The following PITPNC1 variants were observed in gnomAD, a reference collection of about 807,000 sequenced individuals.
PITPNC1 encodes the protein cytoplasmic phosphatidylinositol transfer protein 1.
A neutral mutation model predicts 44.7 loss-of-function variants in PITPNC1; 18 were observed. The ratio of observed to expected loss-of-function variants is 0.40; its 90% CI spans 0.28 to 0.60. The LOEUF is 0.60. PITPNC1 is among the 20% of genes least tolerant of loss of function. The pLI is 0.39. For missense variants in PITPNC1, 290 were observed against 418.4 expected, an observed-to-expected ratio of 0.69 and a Z score of 2.68; for synonymous variants, 141 against 149.6, an observed-to-expected ratio of 0.94 and a Z score of 0.42.
rs191217746 is a variant in PITPNC1 at position 67,529,815 on chromosome 17, G to A, written c.49-2987G>A. 3.9e-5 allele frequency among the ~76,000 whole-genome samples: 6 copies of A among 152,272 alleles called. No individual in the cohort carries two copies. In the East Asian group the frequency reaches 1.2e-3, roughly 30 times the overall value. ...TATAAAAATTAGTCGGGTCGTAGCG[G>A]CGTGCGCCTGTAATCCCAGCTGCTT... is the stretch of plus-strand genomic sequence containing the variant. On this transcript the variant is annotated intron_variant, in intron 1 of 8. Transcript: ENST00000581322.
intron 2 of PITPNC1, 139 bp from the exon 3 acceptor site, chr17:67,552,118 G>C (rs910544366): frequency 1.6e-5 from 10 of 633,140 alleles, no homozygotes; most frequent in African/African-American, 9.1e-5. Flanking sequence ...AGACCGAAGA[G>C]ATGGGGAAAG....
chr17:67,411,292 C>T (rs1287626077), intron 1 of PITPNC1, among the ~76,000 whole-genome samples: 2 of 152,094 alleles, frequency 1.3e-5, no homozygotes, highest in African/African-American at 4.8e-5. Flanking sequence ...GCCAGTAGTG[C>T]TCAGAACCTT....
intron 1 of PITPNC1, among the ~76,000 whole-genome samples, chr17:67,507,825 C>A (rs1377827769): frequency 6.6e-6 from 1 of 150,910 alleles, no homozygotes; most frequent in African/African-American, 2.4e-5. Flanking sequence ...CTGGGTTTTT[C>A]TTCCTTCCCC....
rs1384906197 is a variant in PITPNC1 at position 67,428,635 on chromosome 17, C to A, written c.48+50433C>A. Among the ~76,000 whole-genome samples the A allele has an allele frequency of 4.6e-5, 7 of 151,822 alleles. No homozygotes were observed. The East Asian group carries it at 1.4e-3, about 29-fold the overall frequency. On this transcript the variant is annotated intron_variant, in intron 1 of 8. Coordinates refer to ENST00000581322, the MANE Select transcript of PITPNC1 (RefSeq NM_012417.4). ...ATTATAGATGATTTTAAACATTCTT[C>A]TTGATAATTTTCCTGTGTTTTACAA...
intron 5 of PITPNC1, among the ~76,000 whole-genome samples, chr17:67,631,446 G>A (rs866065119): frequency 2.8e-5 from 4 of 140,594 alleles, no homozygotes; most frequent in East Asian, 4.0e-4. Flanking sequence ...TGGCTAACAC[G>A]GTGAAACCCC....
chr17:67,444,109 G>T (rs1444029644), intron 1 of PITPNC1, among the ~76,000 whole-genome samples: 1 of 151,988 alleles, frequency 6.6e-6, no homozygotes, highest in Non-Finnish European at 1.5e-5. Context: ...GAACAATGTG[G>T]GTTCATCAGG....
chr17:67,582,860 A>G (rs1248869322), intron 5 of PITPNC1, among the ~76,000 whole-genome samples: 4 of 152,194 alleles, frequency 2.6e-5, no homozygotes, highest in African/African-American at 9.6e-5. Context: ...CGTGCTTAGC[A>G]CTGCCTGGTT....
intron 5 of PITPNC1, among the ~76,000 whole-genome samples, chr17:67,589,085 G>T (rs2041357601): frequency 6.6e-6 from 1 of 152,152 alleles, no homozygotes; most frequent in African/African-American, 2.4e-5. Context: ...TCTGTGAAGT[G>T]GAAAGTCAAT....
At chr17:67,501,506 G>T (rs1198068654) in intron 1 of PITPNC1, among the ~76,000 whole-genome samples, 2 of 151,918 alleles carry the variant, frequency 1.3e-5, no homozygotes, top group Admixed American at 6.6e-5. Flanking sequence ...GTTACCCTTT[G>T]GAAGTTACCC....
At chr17:67,486,137 A>G (rs748161702) in intron 1 of PITPNC1, among the ~76,000 whole-genome samples, 15 of 152,176 alleles carry the variant, frequency 9.9e-5, no homozygotes, top group Non-Finnish European at 1.6e-4. Flanking sequence ...TTTTCCTGAC[A>G]TGTACTCAGA....
intron 1 of PITPNC1, among the ~76,000 whole-genome samples, chr17:67,519,918 G>T (rs570839691): frequency 9.8e-5 from 15 of 152,324 alleles, no homozygotes; most frequent in African/African-American, 3.6e-4. Flanking sequence ...CTGAGATCTT[G>T]TTTGTCTAGG....
chr17:67,645,962 TA>T (rs1226899159), intron 6 of PITPNC1, among the ~76,000 whole-genome samples: 1 of 152,128 alleles, frequency 6.6e-6, no homozygotes, highest in Non-Finnish European at 1.5e-5. Context: ...CTGTCTCTAC[TA>T]AAAATACAAA....
chr17:67,507,685 A>T (rs2040125326), intron 1 of PITPNC1, among the ~76,000 whole-genome samples: 1 of 21,772 alleles, frequency 4.6e-5, no homozygotes, highest in Admixed American at 5.5e-4. Flanking sequence ...CTTGGTCTCA[A>T]AAAAAAAAAA....
intron 1 of PITPNC1, among the ~76,000 whole-genome samples, chr17:67,443,607 G>C (rs1484143262): frequency 5.4e-5 from 8 of 148,662 alleles, no homozygotes; most frequent in African/African-American, 2.0e-4. Context: ...AAAGCACAGA[G>C]GACAATAGGC....
intron 8 of PITPNC1, among the ~76,000 whole-genome samples, chr17:67,684,202 C>G (rs541259382): frequency 6.6e-6 from 1 of 150,456 alleles, no homozygotes; most frequent in African/African-American, 2.5e-5. Flanking sequence ...GCCTCCGTCT[C>G]CCAGGTTCAA....
At chr17:67,490,171 C>T (rs1255464387) in intron 1 of PITPNC1, among the ~76,000 whole-genome samples, 4 of 142,314 alleles carry the variant, frequency 2.8e-5, no homozygotes, top group South Asian at 2.2e-4. Flanking sequence ...TTTTAATTAA[C>T]GAGGATGCAT....
rs1263060009 is a variant in PITPNC1, at chr17:67,583,891, GTGTGTT to G, written c.366+5640_366+5645del. On this transcript the variant is annotated intron_variant, in intron 5 of 8. Coordinates refer to ENST00000581322, the MANE Select transcript of PITPNC1 (RefSeq NM_012417.4). ...TGTGTGTGTGTGTGTGTGTGTGTGT[GTGTGTT>G]TGTGTGTGTGTGTGTTTGTGTTTAG... Among the ~76,000 whole-genome samples the G allele has an allele frequency of 8.5e-3, 1,097 of 128,396 alleles. 15 individuals carry two copies. Among genetic ancestry groups the G allele is most frequent in the African/African-American group, 0.029 (1,047 of 35,598 alleles). The allele number at this position is 128,396 out of a possible 152,430, so 84.2% of individuals were successfully genotyped here.
chr17:67,407,435 A>G (rs1567977882), intron 1 of PITPNC1, among the ~76,000 whole-genome samples: 3 of 152,110 alleles, frequency 2.0e-5, no homozygotes, highest in African/African-American at 7.2e-5. Flanking sequence ...ATTTGCAAAT[A>G]TTTTCTTCCA....
At chr17:67,518,044 A>G (rs2040279951) in intron 1 of PITPNC1, among the ~76,000 whole-genome samples, 1 of 152,188 alleles carries the variant, frequency 6.6e-6, no homozygotes, top group South Asian at 2.1e-4. Flanking sequence ...TGGCTTTTTC[A>G]CCCCAAATTG....
Sources: gnomAD v4.1 joint callset for allele counts (sites outside exome capture counted in the v4.1 genomes callset) on GRCh38, gnomAD v4.1.1 for gene constraint, MANE v1.5 for transcripts, NCBI Gene and HGNC (gene_info 2026-07-23, HGNC 2026-07-21) for gene names.